Variants in MTSS1 observed in about 807,000 individuals in gnomAD.
MTSS1 encodes protein MTSS 1.
MTSS1 carries 18 observed loss-of-function variants against 79.0 expected under a neutral mutation model. The ratio of observed to expected loss-of-function variants is 0.23; its 90% CI spans 0.16 to 0.34. MTSS1 has a LOEUF of 0.34. Among genes scored for constraint, MTSS1 ranks in the 10% least tolerant of loss-of-function variants. The pLI is 1.00. For missense variants in MTSS1, 815 were observed against 986.2 expected, an observed-to-expected ratio of 0.83 and a Z score of 2.33; for synonymous variants, 341 against 368.6, an observed-to-expected ratio of 0.93 and a Z score of 0.86.
intron 1 of MTSS1, among the ~76,000 whole-genome samples, chr8:124,705,651 C>G (rs891818010): frequency 2.0e-5 from 3 of 152,186 alleles, no homozygotes; most frequent in African/African-American, 7.2e-5. Context: ...GGTTAATCAA[C>G]TCATCTTTCA....
At chr8:124,699,628 A>G (rs2135408817) in intron 2 of MTSS1, 29 bp from the exon 3 acceptor site, 1 of 1,605,364 alleles carries the variant, frequency 6.2e-7, no homozygotes, top group Non-Finnish European at 8.5e-7. Context: ...ACAAAAGCAT[A>G]AGGAATGTCT....
intron 3 of MTSS1, among the ~76,000 whole-genome samples, chr8:124,655,974 C>T (rs1179153985): frequency 1.3e-5 from 2 of 152,152 alleles, no homozygotes; most frequent in Middle Eastern, 3.2e-3. Context: ...AGAAAACCTA[C>T]TTAGGAGGTT....
Position 124,627,601 on chromosome 8 carries a change from G to A in MTSS1, c.209-36366C>T, listed in dbSNP as rs200779789. Among the ~76,000 whole-genome samples the A allele has an allele frequency of 1.4e-4, 22 of 152,380 alleles. No homozygotes were observed. The East Asian group carries it at 3.9e-3, about 27-fold the overall frequency. On this transcript the variant is annotated intron_variant, in intron 3 of 13. Transcript: ENST00000518547. ...TAAGACCGGGAAAGTAGAGGAGGGT[G>A]TCAGGAAGAATTCATGGAGCAGACA...
chr8:124,598,944 G>A (rs1833245663), intron 3 of MTSS1, among the ~76,000 whole-genome samples: 2 of 152,230 alleles, frequency 1.3e-5, no homozygotes, highest in Admixed American at 6.5e-5. Flanking sequence ...TGGTGGATAA[G>A]AAAGCCACCT....
At chr8:124,638,694 A>G (rs1817479383) in intron 3 of MTSS1, among the ~76,000 whole-genome samples, 1 of 152,204 alleles carries the variant, frequency 6.6e-6, no homozygotes, top group Non-Finnish European at 1.5e-5. Context: ...AATATCTCCC[A>G]TTTAATAACC....
At chr8:124,616,527 T>G (rs986963690) in intron 3 of MTSS1, among the ~76,000 whole-genome samples, 1 of 152,180 alleles carries the variant, frequency 6.6e-6, no homozygotes, top group Non-Finnish European at 1.5e-5. Context: ...CAAACAAGAC[T>G]GTCCCTGCTG....
chr8:124,658,409 C>T (rs1291116995), intron 3 of MTSS1, among the ~76,000 whole-genome samples: 1 of 152,146 alleles, frequency 6.6e-6, no homozygotes, highest in Non-Finnish European at 1.5e-5. Context: ...TGTGAGGCCT[C>T]CCCAGCCACG....
chr8:124,555,346 C>T lies in MTSS1; in HGVS notation c.1567+396G>A, dbSNP rs1043869855. 7.2e-5 allele frequency among the ~76,000 whole-genome samples: 11 copies of T among 152,166 alleles called. 1 individual carries two copies. The highest frequency in any genetic ancestry group is 1.9e-4 in the African/African-American group (8 of 41,526). On this transcript the variant is annotated intron_variant, in intron 13 of 13. Coordinates refer to ENST00000518547, the MANE Select transcript of MTSS1 (RefSeq NM_014751.6). ...CTGCAAGCTCTGCCTCCTGGGTTCA[C>T]GCCATTCTCCTGCCTCAGCCTCCTG...
At chr8:124,593,065 C>T (rs892476313) in intron 3 of MTSS1, among the ~76,000 whole-genome samples, 4 of 152,226 alleles carry the variant, frequency 2.6e-5, no homozygotes, top group African/African-American at 7.2e-5. Context: ...GGGGATGCCA[C>T]GGCCATCTCA....
intron 1 of MTSS1, among the ~76,000 whole-genome samples, chr8:124,716,476 C>T (rs75778290): frequency 0.021 from 3,147 of 152,268 alleles, 43 homozygotes; most frequent in Non-Finnish European, 0.032. Context: ...AGAGGAAGCT[C>T]TCAGTGGCTC....
intron 5 of MTSS1, among the ~76,000 whole-genome samples, chr8:124,586,001 C>T (rs548999154): frequency 6.6e-6 from 1 of 152,146 alleles, no homozygotes; most frequent in Non-Finnish European, 1.5e-5. Context: ...ACCACAAACA[C>T]CTCAGAGGGG....
At chr8:124,633,366 T>C (rs772205291) in intron 3 of MTSS1, among the ~76,000 whole-genome samples, 1 of 152,190 alleles carries the variant, frequency 6.6e-6, no homozygotes, top group African/African-American at 2.4e-5. Flanking sequence ...CTTCACAAAC[T>C]CTCCTGATCA....
At chr8:124,718,998 T>C (rs1832527447) in intron 1 of MTSS1, among the ~76,000 whole-genome samples, 1 of 152,128 alleles carries the variant, frequency 6.6e-6, no homozygotes, top group Non-Finnish European at 1.5e-5. Flanking sequence ...ATCTGTCTCA[T>C]CCTGAGTCCT....
chr8:124,718,301 A>C (rs1350552316), intron 1 of MTSS1, among the ~76,000 whole-genome samples: 1 of 151,500 alleles, frequency 6.6e-6, no homozygotes, highest in Non-Finnish European at 1.5e-5. Flanking sequence ...CAGTGACTTA[A>C]TTAGGGTGTT....
At position 124,700,017 on chromosome 8, in the gene MTSS1, T is replaced by TA. The variant is rs1217477378; in HGVS notation, c.135-419dup. ...AGCCAGGCGTGGTGGTATGCACCTA[T>TA]AATCCCAGCTACTTGGGAGGCTGAG... On this transcript the variant is annotated intron_variant, in intron 2 of 13. Coordinates refer to ENST00000518547, the MANE Select transcript of MTSS1 (RefSeq NM_014751.6). Among the ~76,000 whole-genome samples the TA allele has an allele frequency of 3.3e-5, 5 of 151,970 alleles. No homozygotes were observed. In the East Asian group the frequency reaches 7.7e-4, roughly 24 times the overall value.
intron 3 of MTSS1, among the ~76,000 whole-genome samples, chr8:124,671,922 A>G (rs1188188143): frequency 1.3e-5 from 2 of 152,192 alleles, no homozygotes; most frequent in Non-Finnish European, 1.5e-5. Flanking sequence ...TGCCATATTC[A>G]GTGACCATCA....
chr8:124,561,115 T>G (rs1189408202), intron 10 of MTSS1, among the ~76,000 whole-genome samples: 1 of 152,170 alleles, frequency 6.6e-6, no homozygotes, highest in Non-Finnish European at 1.5e-5. Flanking sequence ...TATTAAGTTT[T>G]GTAGCATCCC....
intron 3 of MTSS1, among the ~76,000 whole-genome samples, chr8:124,671,045 C>CTT (rs11368929): frequency 4.4e-4 from 66 of 150,554 alleles, no homozygotes; most frequent in South Asian, 3.2e-3. Flanking sequence ...TTTCTTTTTT[C>CTT]TTTTTCTTTT....
At chr8:124,698,559 T>C (rs1829233143) in intron 3 of MTSS1, among the ~76,000 whole-genome samples, 1 of 150,152 alleles carries the variant, frequency 6.7e-6, no homozygotes, top group Non-Finnish European at 1.5e-5. Flanking sequence ...TTGCCCAGGC[T>C]GGAGTGCAGT....
Sources: allele counts gnomAD v4.1 joint callset (sites outside exome capture counted in the v4.1 genomes callset), GRCh38; gene constraint gnomAD v4.1.1; transcripts MANE v1.5; gene names NCBI Gene and HGNC (gene_info 2026-07-23, HGNC 2026-07-21).